Variants in PLAG1 observed in about 807,000 individuals in gnomAD.
PLAG1 encodes zinc finger protein PLAG1.
PLAG1 carries 7 observed loss-of-function variants against 35.5 expected under a neutral mutation model. That is an observed-to-expected ratio of 0.20 (90% CI 0.11 to 0.37). The LOEUF is 0.37. Ranked by LOEUF, PLAG1 falls within the 10% of genes least tolerant of loss-of-function variation. PLAG1 has a pLI of 1.00. For synonymous variants in PLAG1, 229 were observed against 225.4 expected, an observed-to-expected ratio of 1.02 and a Z score of -0.14; for missense variants, 454 against 602.8, an observed-to-expected ratio of 0.75 and a Z score of 2.58.
rs1460040176 is a variant in PLAG1 at position 56,166,539 on chromosome 8, T to C, written c.1207A>G (p.Ser403Gly). Residue 403 changes from serine (S) to glycine (G), a missense_variant, in exon 5 of 5, where the codon AGC becomes GGC. By Grantham distance (56) the Ser-to-Gly change is moderately conservative (BLOSUM62 0). Coordinates refer to ENST00000316981, the MANE Select transcript of PLAG1 (RefSeq NM_002655.3). ...DGAGDLSLSK[S>G]SISISDPLNT... ...AGGGGGTCACTGATGGAGATAGAGC[T>C]TTTGGATAGGGAGAGGTCTCCTGCA... 2.5e-6 allele frequency: 4 copies of C among 1,613,890 alleles called. No homozygotes were observed. The Admixed American group carries it at 5.0e-5, about 20-fold the overall frequency.
intron 1 of PLAG1, among the ~76,000 whole-genome samples, chr8:56,184,779 T>TAA: frequency 6.6e-6 from 1 of 152,068 alleles, no homozygotes; most frequent in African/African-American, 2.4e-5. Context: ...TAGCCGGTTG[T>TAA]GGTGGCAGGC....
chr8:56,184,091 A>G (rs1563382768), intron 1 of PLAG1, among the ~76,000 whole-genome samples: 1 of 152,236 alleles, frequency 6.6e-6, no homozygotes, highest in Non-Finnish European at 1.5e-5. Context: ...GATCAACTGT[A>G]AGTTGATAAA....
intron 1 of PLAG1, among the ~76,000 whole-genome samples, chr8:56,210,032 G>A (rs182362754): frequency 1.3e-5 from 2 of 152,124 alleles, no homozygotes; most frequent in African/African-American, 4.8e-5. Context: ...TTACCAATAA[G>A]TTTAGCAGTT....
At chr8:56,204,496 C>A (rs994255667) in intron 1 of PLAG1, among the ~76,000 whole-genome samples, 1 of 151,850 alleles carries the variant, frequency 6.6e-6, no homozygotes, top group Admixed American at 6.6e-5. Context: ...GATTATGACA[C>A]CTTCCAATTT....
rs191476664 is a variant in PLAG1, at chr8:56,201,386, A to G, written c.-322+9735T>C. Among the ~76,000 whole-genome samples, 73 of 152,348 alleles carry G rather than the reference A, an allele frequency of 4.8e-4. 2 individuals carry two copies. In the Middle Eastern group the frequency reaches 0.01, roughly 21 times the overall value. ...CAAAATTAATAAAATTACCTATTTA[A>G]GATCCTTATTATGAGACAAAGTTTA... is the stretch of plus-strand genomic sequence containing the variant. On this transcript the variant is annotated intron_variant, in intron 1 of 4. Transcript: ENST00000316981.
chr8:56,177,174 T>C (rs576889431), intron 2 of PLAG1, among the ~76,000 whole-genome samples: 2 of 152,296 alleles, frequency 1.3e-5, no homozygotes, highest in South Asian at 2.1e-4. Flanking sequence ...GGCATAAATG[T>C]TGTGTATGTG....
chr8:56,167,217 A>G lies in PLAG1; in HGVS notation c.529T>C (p.Ser177Pro). The G allele has an allele frequency of 1.9e-6, 3 of 1,614,026 alleles. No homozygotes were observed. The highest frequency in any genetic ancestry group is 2.5e-6 in the Non-Finnish European group (3 of 1,179,992). The change falls in exon 5 of 5, where the codon TCT becomes CCT. Residue 177 changes from serine (S) to proline (P), a missense_variant. Ser to Pro is a moderately conservative substitution (Grantham distance 74, BLOSUM62 -1). This residue lies in a region of PLAG1 where 170 missense variants were observed against 226.3 expected (regional missense o/e 0.75). Coordinates refer to ENST00000316981, the MANE Select transcript of PLAG1 (RefSeq NM_002655.3). This position sits in a 1 kb window ranked among gnomAD's most constrained non-coding sequence, Gnocchi z 5.9. The stretch of plus-strand genomic sequence containing the variant: ...TGCTTTTTTTCTTTAACCCCACCAG[A>G]CGACTTGCCTGCATGAGATTTAAGG... ...EHLKSHAGKS[S>P]GGVKEKKHQC...
Position 56,202,954 on chromosome 8 carries a change from T to C in PLAG1, c.-322+8167A>G, listed in dbSNP as rs1234489997. 2.0e-5 allele frequency among the ~76,000 whole-genome samples: 3 copies of C among 152,154 alleles called. No individual in the cohort carries two copies. In the East Asian group the frequency reaches 5.8e-4, roughly 29 times the overall value. Reference sequence around the variant, plus strand: ...TTAAGAAAAACATCTGTAACTGTACTTAAAAAATTGAAATACCATTAAAAG... The same window carrying C: ...TTAAGAAAAACATCTGTAACTGTACCTAAAAAATTGAAATACCATTAAAAG... On this transcript the variant is annotated intron_variant, in intron 1 of 4. Transcript: ENST00000316981.
intron 1 of PLAG1, chr8:56,209,614 C>T (rs1037081435): frequency 2.0e-5 from 3 of 152,258 alleles, no homozygotes; most frequent in African/African-American, 7.2e-5. Flanking sequence ...CAAGAGACAT[C>T]ATCCTTTTAT....
At chr8:56,175,820 C>T (rs560770132) in intron 2 of PLAG1, among the ~76,000 whole-genome samples, 10 of 152,018 alleles carry the variant, frequency 6.6e-5, no homozygotes, top group African/African-American at 2.4e-4. Flanking sequence ...ATCAGAAAAC[C>T]CCAATATCAG....
chr8:56,184,863 C>T (rs1811977961), intron 1 of PLAG1, among the ~76,000 whole-genome samples: 1 of 152,136 alleles, frequency 6.6e-6, no homozygotes, highest in Admixed American at 6.5e-5. Flanking sequence ...ACCTGGGATG[C>T]TTGAACCTGA....
chr8:56,194,011 C>T (rs1312957345), intron 1 of PLAG1, among the ~76,000 whole-genome samples: 1 of 152,014 alleles, frequency 6.6e-6, no homozygotes, highest in Non-Finnish European at 1.5e-5. Context: ...AGCCACCACG[C>T]CCGGCCTTCA....
At chr8:56,189,951 G>A (rs1312502269) in intron 1 of PLAG1, among the ~76,000 whole-genome samples, 1 of 152,228 alleles carries the variant, frequency 6.6e-6, no homozygotes, top group African/African-American at 2.4e-5. Context: ...AAGGCTGAGA[G>A]CCACTGCTTT....
intron 1 of PLAG1, among the ~76,000 whole-genome samples, chr8:56,180,598 A>T (rs1250671406): frequency 6.6e-6 from 1 of 152,144 alleles, no homozygotes; most frequent in Non-Finnish European, 1.5e-5. Context: ...TTATGGTTTT[A>T]GGTCTTACGT....
At chr8:56,168,827 T>C (rs560060032) in intron 3 of PLAG1, among the ~76,000 whole-genome samples, 2 of 152,346 alleles carry the variant, frequency 1.3e-5, no homozygotes, top group African/African-American at 2.4e-5. Flanking sequence ...GACTGCACTA[T>C]AGGAAAACAG....
chr8:56,208,362 G>A (rs987145302), intron 1 of PLAG1, among the ~76,000 whole-genome samples: 4 of 152,202 alleles, frequency 2.6e-5, no homozygotes, highest in East Asian at 3.9e-4. Context: ...TTAACTGTGG[G>A]TGATGAGATT....
At chr8:56,169,470 G>A (rs977967024) in intron 3 of PLAG1, among the ~76,000 whole-genome samples, 7 of 152,136 alleles carry the variant, frequency 4.6e-5, no homozygotes, top group South Asian at 2.1e-4. Context: ...TATCGACTCT[G>A]TTTCTAGGGT....
At chr8:56,179,061 A>C (rs1811792444) in intron 2 of PLAG1, among the ~76,000 whole-genome samples, 1 of 149,484 alleles carries the variant, frequency 6.7e-6, no homozygotes, top group Non-Finnish European at 1.5e-5. Context: ...ATATAAGGGC[A>C]ACATGGGATA....
Position 56,167,377 on chromosome 8 carries a change from G to C in PLAG1, c.369C>G (p.Cys123Trp). Residue 123 changes from cysteine (C) to tryptophan (W), a missense_variant, in exon 5 of 5, where the codon TGC becomes TGG. Cys to Trp is a radical substitution (Grantham distance 215). Around this residue, in one of 4 missense-constraint regions of PLAG1, gnomAD observed 170 missense variants for 226.3 expected, o/e 0.75. Coordinates refer to ENST00000316981, the MANE Select transcript of PLAG1 (RefSeq NM_002655.3). The surrounding 1 kb of genome is among the most constrained non-coding windows in gnomAD (Gnocchi z 5.9). ...TATTGTAGTTCTTGCCACATTCTTC[G>C]CACTTAAACGTCTCTTTGTTAGGGT... ...THDPNKETFKCEECGKNYNTK... is the reference protein window; with the variant it reads ...THDPNKETFKWEECGKNYNTK... 1 of 1,613,892 alleles carries C rather than the reference G, an allele frequency of 6.2e-7. No individual in the cohort carries two copies.
Sources: allele counts gnomAD v4.1 joint callset (sites outside exome capture counted in the v4.1 genomes callset), GRCh38; gene constraint gnomAD v4.1.1; regional missense constraint gnomAD v4.1.1; non-coding constraint Gnocchi (gnomAD v3.1); transcripts MANE v1.5; gene names NCBI Gene and HGNC (gene_info 2026-07-23, HGNC 2026-07-21).